Variants in CIMIP5 observed in about 807,000 individuals in gnomAD.
CIMIP5 encodes ciliary microtubule inner protein 5.
chr2:11,142,931 A>T, the CIMIP5 span, among the ~76,000 whole-genome samples: 1 of 152,064 alleles, frequency 6.6e-6, no homozygotes, highest in Non-Finnish European at 1.5e-5. Flanking sequence ...CATGTTGCCC[A>T]GGCTGGTCTG....
At chr2:11,144,263 G>C in the CIMIP5 span, 4 of 566,444 alleles carry the variant, frequency 7.1e-6, no homozygotes, top group Non-Finnish European at 5.9e-6. Context: ...GACCCAAGGG[G>C]TCACTCTTAC....
chr2:11,134,286 A>T, the CIMIP5 span, among the ~76,000 whole-genome samples: 1 of 152,222 alleles, frequency 6.6e-6, no homozygotes, highest in Admixed American at 6.5e-5. Flanking sequence ...AGGCCACAGG[A>T]TGAGGGGGAG....
At chr2:11,143,139 A>G in the CIMIP5 span, among the ~76,000 whole-genome samples, 1 of 152,196 alleles carries the variant, frequency 6.6e-6, no homozygotes, top group Non-Finnish European at 1.5e-5. Flanking sequence ...ATCAGTGGTG[A>G]TACAGGTGAA....
At chr2:11,149,467 A>G in the CIMIP5 span, among the ~76,000 whole-genome samples, 5 of 152,178 alleles carry the variant, frequency 3.3e-5, no homozygotes, top group Non-Finnish European at 7.3e-5. Context: ...GCACTTTGGG[A>G]GGCCGAGGTA....
the CIMIP5 span, among the ~76,000 whole-genome samples, chr2:11,134,413 G>T: frequency 6.6e-6 from 1 of 152,188 alleles, no homozygotes; most frequent in South Asian, 2.1e-4. Context: ...TAAGTGAGCA[G>T]CCTGATAGAT....
the CIMIP5 span, chr2:11,133,583 GC>G: frequency 6.2e-7 from 1 of 1,600,590 alleles, no homozygotes; most frequent in Admixed American, 1.7e-5. Flanking sequence ...GGCGGGGCCA[GC>G]AGCGCTGGTG....
chr2:11,143,398 T>C, the CIMIP5 span, among the ~76,000 whole-genome samples: 1 of 151,600 alleles, frequency 6.6e-6, no homozygotes, highest in African/African-American at 2.4e-5. Flanking sequence ...TCAGGGTGCC[T>C]TGGGAGCAGA....
At chr2:11,147,805 G>A in the CIMIP5 span, among the ~76,000 whole-genome samples, 1 of 152,164 alleles carries the variant, frequency 6.6e-6, no homozygotes, top group Non-Finnish European at 1.5e-5. Context: ...TTTTCAAGAA[G>A]ACGCCTGCTT....
the CIMIP5 span, among the ~76,000 whole-genome samples, chr2:11,149,456 G>A: frequency 6.6e-6 from 1 of 152,230 alleles, no homozygotes; most frequent in Admixed American, 6.5e-5. Flanking sequence ...CCATAATGCC[G>A]GCACTTTGGG....
chr2:11,134,521 G>A, the CIMIP5 span, among the ~76,000 whole-genome samples: 1 of 152,172 alleles, frequency 6.6e-6, no homozygotes, highest in African/African-American at 2.4e-5. Context: ...CACCATTCTA[G>A]TCTTTGCTTC....
At chr2:11,144,286 C>A in the CIMIP5 span, 2 of 458,634 alleles carry the variant, frequency 4.4e-6, no homozygotes, top group Non-Finnish European at 3.8e-6. Context: ...ACTTTTTACA[C>A]GTAAGATTCA....
chr2:11,153,636 G>T, the CIMIP5 span, among the ~76,000 whole-genome samples: 4 of 152,224 alleles, frequency 2.6e-5, no homozygotes. Flanking sequence ...TATAGTCATT[G>T]CTGCTGATGC....
the CIMIP5 span, among the ~76,000 whole-genome samples, chr2:11,139,485 A>G: frequency 2.2e-4 from 34 of 152,198 alleles, no homozygotes; most frequent in Non-Finnish European, 1.5e-4. Flanking sequence ...AGTGCAAGCT[A>G]ATACTATCCT....
At chr2:11,149,475 G>A in the CIMIP5 span, among the ~76,000 whole-genome samples, 1 of 152,174 alleles carries the variant, frequency 6.6e-6, no homozygotes. Context: ...GGAGGCCGAG[G>A]TAAAAGTATC....
At chr2:11,153,519 G>C in the CIMIP5 span, among the ~76,000 whole-genome samples, 1 of 152,202 alleles carries the variant, frequency 6.6e-6, no homozygotes, top group African/African-American at 2.4e-5. Flanking sequence ...CAGGAACCAG[G>C]CACTTCCAAC....
At chr2:11,133,239 C>CA in the CIMIP5 span, 12 of 1,416,208 alleles carry the variant, frequency 8.5e-6, no homozygotes, top group South Asian at 1.5e-4. Flanking sequence ...TTAGGAGGGA[C>CA]AGAGTGTTCC....
chr2:11,137,584 T>A, the CIMIP5 span, among the ~76,000 whole-genome samples: 1 of 151,948 alleles, frequency 6.6e-6, no homozygotes, highest in Non-Finnish European at 1.5e-5. Flanking sequence ...GAGGAGAGAA[T>A]GGGAGAGAGA....
chr2:11,140,086 C>CAAAAAAA, the CIMIP5 span, among the ~76,000 whole-genome samples: 149 of 84,766 alleles, frequency 1.8e-3, 3 homozygotes, highest in African/African-American at 7.4e-3. Context: ...GACTCCCTCT[C>CAAAAAAA]AAAAAAAAAA....
the CIMIP5 span, among the ~76,000 whole-genome samples, chr2:11,142,266 CAAAAAAAAAAAAA>C: frequency 1.2e-5 from 1 of 84,648 alleles, no homozygotes; most frequent in Admixed American, 1.4e-4. Flanking sequence ...AATTCAGTCT[CAAAAAAAAAAAAA>C]AAAAAAAAGA....
Sources: allele counts gnomAD v4.1 joint callset (sites outside exome capture counted in the v4.1 genomes callset), GRCh38; gene constraint gnomAD v4.1.1; transcripts MANE v1.5; gene names NCBI Gene and HGNC (gene_info 2026-07-23, HGNC 2026-07-21).